Variants in EYS observed in about 807,000 individuals in gnomAD.
EYS encodes the protein EGF-like photoreceptor maintenance factor.
In EYS, 250 loss-of-function variants were observed where a neutral mutation model predicts 282.1. The ratio of observed to expected loss-of-function variants is 0.89; its 90% CI spans 0.80 to 0.98. The LOEUF is 0.98. EYS is among the 50% of genes least tolerant of loss of function. The probability of loss-of-function intolerance (pLI) is 0.00; values close to 1 mark genes in which losing one functional copy is unlikely to be tolerated. For synonymous variants in EYS, 1,355 were observed against 1,282.9 expected, an observed-to-expected ratio of 1.06 and a Z score of -1.20; for missense variants, 4,016 against 3,709.0, an observed-to-expected ratio of 1.08 and a Z score of -2.15.
intron 14 of EYS, among the ~76,000 whole-genome samples, chr6:64,948,615 T>A (rs1769378720): frequency 2.0e-5 from 3 of 147,254 alleles, no homozygotes; most frequent in Non-Finnish European, 4.5e-5. Flanking sequence ...TAATATTAAA[T>A]AATAGTAAAT....
intron 19 of EYS, among the ~76,000 whole-genome samples, chr6:64,832,541 C>T (rs575789595): frequency 6.6e-6 from 1 of 151,748 alleles, no homozygotes; most frequent in African/African-American, 2.4e-5. Context: ...CCTATAGTTA[C>T]CAATATAGTA....
chr6:65,112,352 T>A (rs1487570986), intron 12 of EYS, among the ~76,000 whole-genome samples: 2 of 152,034 alleles, frequency 1.3e-5, no homozygotes, highest in Non-Finnish European at 2.9e-5. Flanking sequence ...ATCTCATGGC[T>A]AAAAAAAGAA....
intron 19 of EYS, among the ~76,000 whole-genome samples, chr6:64,876,401 G>C (rs1351417456): frequency 1.3e-5 from 2 of 152,064 alleles, no homozygotes; most frequent in Non-Finnish European, 2.9e-5. Context: ...GCAGTTACAT[G>C]TGTTAACATT....
In EYS at chr6:63,740,108, A is replaced by G. The variant is rs146964657; in HGVS notation, c.8072-13428T>C. Among the ~76,000 whole-genome samples, 296 of 152,238 alleles carry G rather than the reference A, an allele frequency of 1.9e-3. 2 individuals are homozygous for G. The highest frequency in any genetic ancestry group is 3.4e-3 in the Middle Eastern group (1 of 294). On this transcript the variant is annotated intron_variant, in intron 41 of 42. Transcript: ENST00000503581. ...AATGTGTATAACGAAGTGTAGTCCT[A>G]ATTAGGTTGAAATGCTATATTCCAG...
chr6:63,866,246 T>C (rs1265534717), intron 35 of EYS, among the ~76,000 whole-genome samples: 1 of 152,146 alleles, frequency 6.6e-6, no homozygotes, highest in Non-Finnish European at 1.5e-5. Flanking sequence ...ACCTAAAGTA[T>C]ACGTTAGAAA....
rs577528693 is a variant in EYS at position 65,687,315 on chromosome 6, T to C, written c.-448+19820A>G. On this transcript the variant is annotated intron_variant, in intron 1 of 42. Transcript: ENST00000503581. ...ACTCAAGACAATATTTCAGGATCTA[T>C]AAACATAACAGTCCAGTTGGAAATT... 6.8e-4 allele frequency among the ~76,000 whole-genome samples: 103 copies of C among 152,168 alleles called. 1 individual carries two copies. In the South Asian group the frequency reaches 0.011, roughly 17 times the overall value.
intron 22 of EYS, among the ~76,000 whole-genome samples, chr6:64,722,967 A>G (rs1393678167): frequency 6.6e-6 from 1 of 152,008 alleles, no homozygotes; most frequent in African/African-American, 2.4e-5. Flanking sequence ...TGTCCTTCAC[A>G]TTCTTAATAC....
At chr6:64,686,242 T>G (rs533081684) in intron 22 of EYS, among the ~76,000 whole-genome samples, 44 of 151,814 alleles carry the variant, frequency 2.9e-4, no homozygotes, top group Non-Finnish European at 5.6e-4. Context: ...AAAAGATAAA[T>G]TTCAATAAAA....
chr6:64,263,960 T>C (rs186441002), intron 30 of EYS, among the ~76,000 whole-genome samples: 4 of 152,304 alleles, frequency 2.6e-5, no homozygotes, highest in Middle Eastern at 3.4e-3. Context: ...TGCTTTAATA[T>C]GTAGGACTAT....
chr6:63,730,116 G>A (rs868209019), intron 41 of EYS, among the ~76,000 whole-genome samples: 22 of 152,112 alleles, frequency 1.4e-4, no homozygotes, highest in African/African-American at 5.1e-4. Flanking sequence ...TAATCAATTT[G>A]ATTGTGCTGT....
At chr6:64,524,475 T>C (rs1434559664) in intron 26 of EYS, among the ~76,000 whole-genome samples, 2 of 151,894 alleles carry the variant, frequency 1.3e-5, no homozygotes, top group East Asian at 3.9e-4. Context: ...AGCTCTTAAG[T>C]TTAATTAGAT....
intron 35 of EYS, among the ~76,000 whole-genome samples, chr6:63,925,403 A>G (rs1478923632): frequency 6.6e-6 from 1 of 152,234 alleles, no homozygotes; most frequent in Non-Finnish European, 1.5e-5. Context: ...GAGCATTCTT[A>G]CATGAAAATT....
chr6:64,952,107 A>C lies in EYS; in HGVS notation c.2260-6193T>G, dbSNP rs55658056. 8.4e-3 allele frequency among the ~76,000 whole-genome samples: 1,273 copies of C among 152,194 alleles called. 18 individuals are homozygous for C. The highest frequency in any genetic ancestry group is 0.029 in the African/African-American group (1,212 of 41,566). Reference sequence around the variant, plus strand: ...TTATCTTCAAAGGGACACAAAGATCACAACTTACTCCCCAGTATCAGAAGC... The same window carrying C: ...TTATCTTCAAAGGGACACAAAGATCCCAACTTACTCCCCAGTATCAGAAGC... On this transcript the variant is annotated intron_variant, in intron 14 of 42. Coordinates refer to ENST00000503581, the MANE Select transcript of EYS (RefSeq NM_001142800.2).
At chr6:64,451,036 A>G (rs1384203997) in intron 26 of EYS, among the ~76,000 whole-genome samples, 1 of 152,192 alleles carries the variant, frequency 6.6e-6, no homozygotes, top group Non-Finnish European at 1.5e-5. Flanking sequence ...TAGAGACACA[A>G]AAAACCCTTC....
At chr6:63,954,096 A>G (rs1193781058) in intron 35 of EYS, among the ~76,000 whole-genome samples, 1 of 152,210 alleles carries the variant, frequency 6.6e-6, no homozygotes, top group Non-Finnish European at 1.5e-5. Flanking sequence ...TTCCTGGTCC[A>G]GACTTCAATC....
intron 26 of EYS, among the ~76,000 whole-genome samples, chr6:64,489,913 C>A (rs1386749380): frequency 6.6e-6 from 1 of 150,714 alleles, no homozygotes; most frequent in Non-Finnish European, 1.5e-5. Context: ...ACACATGCTT[C>A]ATGAAGAGGC....
At chr6:65,424,538 T>C (rs1329242120) in intron 5 of EYS, among the ~76,000 whole-genome samples, 1 of 151,952 alleles carries the variant, frequency 6.6e-6, no homozygotes, top group Non-Finnish European at 1.5e-5. Flanking sequence ...ATATTACAGA[T>C]TTTCCATGTT....
At chr6:64,944,780 G>A (rs1769218784) in intron 15 of EYS, among the ~76,000 whole-genome samples, 1 of 152,084 alleles carries the variant, frequency 6.6e-6, no homozygotes, top group Non-Finnish European at 1.5e-5. Flanking sequence ...TCAATTCTGA[G>A]ATCAGAGAAA....
intron 21 of EYS, among the ~76,000 whole-genome samples, chr6:64,819,645 T>C (rs1300996777): frequency 6.6e-6 from 1 of 151,868 alleles, no homozygotes; most frequent in Admixed American, 6.6e-5. Context: ...TAATTGTAGA[T>C]GAGAATATAA....
Sources: allele counts gnomAD v4.1 joint callset (sites outside exome capture counted in the v4.1 genomes callset), GRCh38; gene constraint gnomAD v4.1.1; transcripts MANE v1.5; gene names NCBI Gene and HGNC (gene_info 2026-07-23, HGNC 2026-07-21).